The following SUPT5H variants were observed in gnomAD, a reference collection of about 807,000 sequenced individuals.
SUPT5H encodes SPT5 homolog, DSIF elongation factor subunit.
Under a neutral mutation model 142.5 loss-of-function variants are expected in SUPT5H, and 24 were observed. That is an observed-to-expected ratio of 0.17 (90% CI 0.12 to 0.24). SUPT5H has a LOEUF of 0.24. Among genes scored for constraint, SUPT5H ranks in the 10% least tolerant of loss-of-function variants. The probability of loss-of-function intolerance (pLI) is 1.00; values close to 1 mark genes in which losing one functional copy is unlikely to be tolerated. For missense variants in SUPT5H, 893 were observed against 1,471.8 expected, an observed-to-expected ratio of 0.61 and a Z score of 6.43; for synonymous variants, 546 against 553.0, an observed-to-expected ratio of 0.99 and a Z score of 0.18.
intron 18 of SUPT5H, among the ~76,000 whole-genome samples, chr19:39,471,120 A>G (rs1050388729): frequency 2.6e-5 from 4 of 152,266 alleles, no homozygotes; most frequent in Non-Finnish European, 5.9e-5. Flanking sequence ...CTGTTGCCCA[A>G]TCGGGGGTGG....
intron 13 of SUPT5H, chr19:39,467,944 AGT>A (rs2146115682): frequency 6.6e-6 from 1 of 152,266 alleles, no homozygotes; most frequent in African/African-American, 2.4e-5. Flanking sequence ...AACAAACCCT[AGT>A]GCTCCCTTAC....
chr19:39,453,569 T>C (rs2079047678), intron 3 of SUPT5H, 48 bp downstream of exon 3: 2 of 1,444,518 alleles, frequency 1.4e-6, no homozygotes, highest in East Asian at 5.0e-5. Flanking sequence ...GAGCTTCTAC[T>C]TTTAGTTCCA....
chr19:39,458,728 C>T lies in SUPT5H; in HGVS notation c.320-90C>T. Reference sequence around the variant, plus strand: ...GTCATCTTCCTGCCCCAGGGCCAAACCCTGGCCCTCTTAGCTGCACGCTCC... The same window carrying T: ...GTCATCTTCCTGCCCCAGGGCCAAATCCTGGCCCTCTTAGCTGCACGCTCC... On this transcript the variant is annotated intron_variant, in intron 5 of 29. Coordinates refer to ENST00000432763, the MANE Select transcript of SUPT5H (RefSeq NM_001111020.3). The surrounding 1 kb of genome is among the most constrained non-coding windows in gnomAD (Gnocchi z 4.2). 1 of 1,262,030 alleles carries T rather than the reference C, an allele frequency of 7.9e-7. No homozygotes were observed. The highest frequency in any genetic ancestry group is 1.1e-6 in the Non-Finnish European group (1 of 907,540). The allele number at this position is 1,262,030 out of a possible 1,614,324, so 78.2% of individuals were successfully genotyped here.
rs1444104225 is a variant in SUPT5H at position 39,466,488 on chromosome 19, C to T, written c.885C>T (p.Tyr295=). Residue 295 remains tyrosine (Y), a synonymous_variant, in exon 12 of 30, where the codon TAC becomes TAT. Transcript: ENST00000432763. This position sits in a 1 kb window ranked among gnomAD's most constrained non-coding sequence, Gnocchi z 4.3. ...CTGCTCGCCCTGCTCAGGTGGACTA[C>T]GTGGAGCCCAGCCAGAACACCATCT... The part of the protein sequence containing the change: ...IYKDDIAQVD[Y]VEPSQNTISL... 5.0e-6 allele frequency: 8 copies of T among 1,613,798 alleles called. No individual in the cohort carries two copies. Among genetic ancestry groups the T allele is most frequent in the Admixed American group, 1.7e-5 (1 of 59,990 alleles).
chr19:39,457,985 G>A, intron 4 of SUPT5H: 1 of 806,098 alleles, frequency 1.2e-6, no homozygotes, highest in Non-Finnish European at 2.0e-6. Flanking sequence ...AGGGCCCAGT[G>A]AATCCCTTCT....
Position 39,458,423 on chromosome 19 carries a change from G to T in SUPT5H, c.319+118G>T, listed in dbSNP as rs932689734. 5.8e-6 allele frequency: 9 copies of T among 1,548,036 alleles called. No homozygotes were observed. In the African/African-American group the frequency reaches 9.5e-5, roughly 16 times the overall value. On this transcript the variant is annotated intron_variant, in intron 5 of 29. Coordinates refer to ENST00000432763, the MANE Select transcript of SUPT5H (RefSeq NM_001111020.3). The surrounding 1 kb of genome is among the most constrained non-coding windows in gnomAD (Gnocchi z 4.2). The stretch of plus-strand genomic sequence containing the variant: ...CACCAGCCCCGGTCTGGCCCTGAGG[G>T]CTCTGACCCATGTAGGATCCAGAGT...
Position 39,469,186 on chromosome 19 carries a change from C to T in SUPT5H, c.1237+14C>T, listed in dbSNP as rs764023636. 6 of 1,614,088 alleles carry T rather than the reference C, an allele frequency of 3.7e-6. No homozygotes were observed. Among genetic ancestry groups the T allele is most frequent in the African/African-American group, 1.3e-5 (1 of 74,932 alleles). Reference sequence around the variant, plus strand: ...CTGAGAGCACAGGTATTTGATCCCCCTCTATAACCTGGGCCAAGGAGCAGG... The same window carrying T: ...CTGAGAGCACAGGTATTTGATCCCCTTCTATAACCTGGGCCAAGGAGCAGG... On this transcript the variant is annotated intron_variant, in intron 15 of 29. Coordinates refer to ENST00000432763, the MANE Select transcript of SUPT5H (RefSeq NM_001111020.3). This position sits in a 1 kb window ranked among gnomAD's most constrained non-coding sequence, Gnocchi z 5.1.
At position 39,469,754 on chromosome 19, in the gene SUPT5H, C is replaced by G. The variant is rs183668379; in HGVS notation, c.1374+356C>G. 1.0e-5 allele frequency: 5 copies of G among 483,154 alleles called. No homozygotes were observed. Among genetic ancestry groups the G allele is most frequent in the Non-Finnish European group, 1.1e-5 (3 of 263,662 alleles). The allele number at this position is 483,154 out of a possible 1,614,324, so 29.9% of individuals were successfully genotyped here. A position where few individuals can be genotyped will look rare whatever the true frequency, so the allele number is the denominator to read the frequency against. The stretch of plus-strand genomic sequence containing the variant: ...GTGTTTGTCTGTGTCTGGTGTATGT[C>G]TGAGGGGTTGTGCAGGCCCAGTGTG... On this transcript the variant is annotated intron_variant, in intron 16 of 29. Transcript: ENST00000432763. The surrounding 1 kb of genome is among the most constrained non-coding windows in gnomAD (Gnocchi z 5.1).
In SUPT5H at chr19:39,469,506, T is replaced by C; in HGVS notation, c.1374+108T>C. On this transcript the variant is annotated intron_variant, in intron 16 of 29. Coordinates refer to ENST00000432763, the MANE Select transcript of SUPT5H (RefSeq NM_001111020.3). The surrounding 1 kb of genome is among the most constrained non-coding windows in gnomAD (Gnocchi z 5.1). ...TGGTGACACCTGGTTTCCAGGAGGGTAAGTTGAGGCCCTTCTAGCATTCTC... is the reference window on the plus strand; with the variant it reads ...TGGTGACACCTGGTTTCCAGGAGGGCAAGTTGAGGCCCTTCTAGCATTCTC... The C allele has an allele frequency of 6.7e-7, 1 of 1,502,014 alleles. No individual in the cohort carries two copies. Among genetic ancestry groups the C allele is most frequent in the Non-Finnish European group, 9.1e-7 (1 of 1,102,730 alleles). 93.0% of individuals were successfully genotyped at this position (1,502,014 alleles called of 1,614,324 possible).
At chr19:39,475,416 A>G (rs528801432) in intron 28 of SUPT5H, among the ~76,000 whole-genome samples, 5 of 145,906 alleles carry the variant, frequency 3.4e-5, no homozygotes, top group Admixed American at 1.4e-4. Flanking sequence ...ATGGTGAGTG[A>G]TGAGGCCAGA....
At chr19:39,464,652 A>C in intron 10 of SUPT5H, 146 bp from the exon 11 acceptor site, 1 of 1,213,544 alleles carries the variant, frequency 8.2e-7, no homozygotes, top group Non-Finnish European at 1.1e-6. Flanking sequence ...ATAATTCTGC[A>C]GGGAACACCT....
rs2079308756 is a variant in SUPT5H, at chr19:39,470,785, C to T, written c.1677+262C>T. Reference sequence around the variant, plus strand: ...TGATTCCCTGAGGTTAGATCTGTACCCTGGTGGCTGTTGCTCGCTCAAGGA... The same window carrying T: ...TGATTCCCTGAGGTTAGATCTGTACTCTGGTGGCTGTTGCTCGCTCAAGGA... On this transcript the variant is annotated intron_variant, in intron 18 of 29. Transcript: ENST00000432763. This position sits in a 1 kb window ranked among gnomAD's most constrained non-coding sequence, Gnocchi z 5.8. 6.6e-6 allele frequency among the ~76,000 whole-genome samples: 1 copy of T among 152,154 alleles called. No individual in the cohort carries two copies. Among genetic ancestry groups the T allele is most frequent in the Non-Finnish European group, 1.5e-5 (1 of 68,024 alleles).
At chr19:39,456,865 G>A (rs1247626452) in intron 3 of SUPT5H, among the ~76,000 whole-genome samples, 1 of 152,158 alleles carries the variant, frequency 6.6e-6, no homozygotes, top group Non-Finnish European at 1.5e-5. Context: ...AGCCTTACAT[G>A]GATTTCATAT....
At chr19:39,462,783 G>A (rs1042943609) in intron 10 of SUPT5H, among the ~76,000 whole-genome samples, 3 of 150,044 alleles carry the variant, frequency 2.0e-5, no homozygotes, top group Admixed American at 6.7e-5. Flanking sequence ...GGCCCACCTC[G>A]GCCTCCCAAA....
rs762716300 is a variant in SUPT5H at position 39,466,465 on chromosome 19, G to C, written c.877-15G>C. 6 of 1,612,952 alleles carry C rather than the reference G, an allele frequency of 3.7e-6. No homozygotes were observed. The highest frequency in any genetic ancestry group is 1.3e-5 in the African/African-American group (1 of 74,874). ...GAGAGTGGGGCCCTGCTGACCTTCT[G>C]CTCGCCCTGCTCAGGTGGACTACGT... On this transcript the variant is annotated splice_polypyrimidine_tract_variant and intron_variant, in intron 11 of 29. Coordinates refer to ENST00000432763, the MANE Select transcript of SUPT5H (RefSeq NM_001111020.3). This position sits in a 1 kb window ranked among gnomAD's most constrained non-coding sequence, Gnocchi z 4.3.
At position 39,466,950 on chromosome 19, in the gene SUPT5H, G is replaced by A. The variant is rs1275754153; in HGVS notation, c.1037+205G>A. ...AAAGATTGATGAGGCTGGGCGCAGC[G>A]GGAGGGAGCACTTTGGAAGGCTAAG... is the stretch of plus-strand genomic sequence containing the variant. On this transcript the variant is annotated intron_variant, in intron 13 of 29. Coordinates refer to ENST00000432763, the MANE Select transcript of SUPT5H (RefSeq NM_001111020.3). This position sits in a 1 kb window ranked among gnomAD's most constrained non-coding sequence, Gnocchi z 4.3. The A allele has an allele frequency of 5.1e-6, 3 of 591,970 alleles. No individual in the cohort carries two copies. The highest frequency in any genetic ancestry group is 2.8e-5 in the East Asian group (1 of 35,260). The allele number at this position is 591,970 out of a possible 1,614,324, so 36.7% of individuals were successfully genotyped here.
intron 2 of SUPT5H, 118 bp from the exon 3 acceptor site, chr19:39,453,238 G>A: frequency 4.8e-6 from 6 of 1,254,610 alleles, no homozygotes; most frequent in Non-Finnish European, 6.4e-6. Flanking sequence ...TATATGCAGA[G>A]CAAAGTGGGC....
chr19:39,462,839 C>CTTTTTTTT (rs71169597), intron 10 of SUPT5H, among the ~76,000 whole-genome samples: 1 of 110,354 alleles, frequency 9.1e-6, no homozygotes, highest in African/African-American at 3.6e-5. Context: ...CCTTAATTTT[C>CTTTTTTTT]TTTTTTTTTT....
intron 2 of SUPT5H, among the ~76,000 whole-genome samples, chr19:39,450,043 A>G (rs780817420): frequency 7.9e-5 from 12 of 151,306 alleles, no homozygotes; most frequent in East Asian, 1.9e-4. Context: ...GGATCAAGCA[A>G]TCCTCCTGCT....
Sources: allele counts gnomAD v4.1 joint callset (sites outside exome capture counted in the v4.1 genomes callset), GRCh38; gene constraint gnomAD v4.1.1; non-coding constraint Gnocchi (gnomAD v3.1); transcripts MANE v1.5; gene names NCBI Gene and HGNC (gene_info 2026-07-23, HGNC 2026-07-21).